TIAM2: variants seen among roughly 807,000 people sequenced by gnomAD.
TIAM2 encodes TIAM Rac1 associated GEF 2, also known as rho guanine nucleotide exchange factor TIAM2.
TIAM2 carries 80 observed loss-of-function variants against 152.9 expected under a neutral mutation model. The ratio of observed to expected loss-of-function variants is 0.52; its 90% CI spans 0.44 to 0.63. TIAM2 has a LOEUF of 0.63. Among genes scored for constraint, TIAM2 ranks in the 30% least tolerant of loss-of-function variants. The pLI, the probability that TIAM2 is intolerant of heterozygous loss-of-function variation, is 0.00. For missense variants in TIAM2, 1,965 were observed against 2,120.1 expected, an observed-to-expected ratio of 0.93 and a Z score of 1.44; for synonymous variants, 804 against 838.0, an observed-to-expected ratio of 0.96 and a Z score of 0.70.
intron 21 of TIAM2, 77 bp from the exon 22 acceptor site, chr6:155,250,836 T>G: frequency 7.1e-7 from 1 of 1,414,148 alleles, no homozygotes; most frequent in Non-Finnish European, 1.0e-6. Context: ...AATGACTGTG[T>G]GTACATCACT....
rs1208218857 is a variant in TIAM2, at chr6:155,164,704, C to A, written c.2214+104C>A. On this transcript the variant is annotated intron_variant, in intron 8 of 26. Coordinates refer to ENST00000682666, the MANE Select transcript of TIAM2 (RefSeq NM_012454.4). ...TCGGCACTTGTGGGGCTTGACCCAACAACTGACACCTAGAGGCCAGGTCAC... is the reference window on the plus strand; with the variant it reads ...TCGGCACTTGTGGGGCTTGACCCAAAAACTGACACCTAGAGGCCAGGTCAC... 1.5e-6 allele frequency: 2 copies of A among 1,375,946 alleles called. 1 individual carries two copies. The highest frequency in any genetic ancestry group is 4.6e-5 in the East Asian group (2 of 43,286). The allele number at this position is 1,375,946 out of a possible 1,614,324, so 85.2% of individuals were successfully genotyped here. A position where few individuals can be genotyped will look rare whatever the true frequency, so the allele number is the denominator to read the frequency against.
chr6:155,225,076 C>T (rs1782195914), intron 15 of TIAM2, among the ~76,000 whole-genome samples: 1 of 152,188 alleles, frequency 6.6e-6, no homozygotes, highest in Admixed American at 6.5e-5. Context: ...CCACCTCAGC[C>T]TCGCATGTAG....
At chr6:155,028,483 C>T (rs1247762855) in intron 1 of TIAM2, among the ~76,000 whole-genome samples, 1 of 120,302 alleles carries the variant, frequency 8.3e-6, no homozygotes, top group East Asian at 2.2e-4. Flanking sequence ...GTTACATATA[C>T]TACATATATA....
intron 20 of TIAM2, among the ~76,000 whole-genome samples, chr6:155,248,866 G>T (rs2115341685): frequency 6.6e-6 from 1 of 152,242 alleles, no homozygotes; most frequent in South Asian, 2.1e-4. Flanking sequence ...AAATTTATGG[G>T]GAGAGAGAGG....
intron 1 of TIAM2, among the ~76,000 whole-genome samples, chr6:155,042,509 A>G (rs1183805290): frequency 1.3e-5 from 2 of 152,148 alleles, no homozygotes; most frequent in African/African-American, 4.8e-5. Context: ...CAGAGAATCA[A>G]TCACTTGAAC....
At chr6:155,005,780 T>G (rs1278837661) in intron 1 of TIAM2, among the ~76,000 whole-genome samples, 1 of 151,830 alleles carries the variant, frequency 6.6e-6, no homozygotes, top group Non-Finnish European at 1.5e-5. Flanking sequence ...CTCAGCCTCC[T>G]GAGGGATTGC....
rs532119383 is a variant in TIAM2 at position 155,120,245 on chromosome 6, A to G, written c.-117-7245A>G. Among the ~76,000 whole-genome samples the G allele has an allele frequency of 2.5e-4, 38 of 152,364 alleles. No homozygotes were observed. In the South Asian group the frequency reaches 7.9e-3, roughly 32 times the overall value. On this transcript the variant is annotated intron_variant, in intron 2 of 26. Coordinates refer to ENST00000682666, the MANE Select transcript of TIAM2 (RefSeq NM_012454.4). ...TTGCCGCAGATGGGTCTATCCATTCATCTGTTAATATGCATTTGGAAGGAG... is the reference window on the plus strand; with the variant it reads ...TTGCCGCAGATGGGTCTATCCATTCGTCTGTTAATATGCATTTGGAAGGAG...
At chr6:155,163,804 AT>A (rs1453365144) in intron 7 of TIAM2, among the ~76,000 whole-genome samples, 2 of 152,368 alleles carry the variant, frequency 1.3e-5, no homozygotes, top group East Asian at 3.9e-4. Context: ...TGACTTGCAA[AT>A]TGCATCCTGT....
At chr6:155,204,193 A>G (rs1257012399) in intron 14 of TIAM2, among the ~76,000 whole-genome samples, 1 of 152,150 alleles carries the variant, frequency 6.6e-6, no homozygotes, top group Non-Finnish European at 1.5e-5. Context: ...AATGCAAATT[A>G]TTTTTTCCCC....
intron 2 of TIAM2, among the ~76,000 whole-genome samples, chr6:155,108,062 C>T (rs1778741979): frequency 6.6e-6 from 1 of 152,202 alleles, no homozygotes; most frequent in African/African-American, 2.4e-5. Context: ...TGAACAGCTG[C>T]TGGAGTTTTT....
intron 1 of TIAM2, among the ~76,000 whole-genome samples, chr6:155,009,205 G>A (rs545719834): frequency 1.4e-5 from 2 of 146,056 alleles, no homozygotes; most frequent in South Asian, 4.4e-4. Flanking sequence ...GGGTTCGGGC[G>A]ATTCTTGCAC....
intron 9 of TIAM2, among the ~76,000 whole-genome samples, chr6:155,167,363 A>C (rs538088221): frequency 1.3e-5 from 2 of 152,220 alleles, no homozygotes; most frequent in African/African-American, 2.4e-5. Flanking sequence ...CTGGGACTAC[A>C]GGCTTGAGCC....
rs117458413 is a variant in TIAM2 at position 155,159,533 on chromosome 6, C to T, written c.2029-4882C>T. On this transcript the variant is annotated intron_variant, in intron 7 of 26. Transcript: ENST00000682666. ...TTGCTTCTCTTCTGGACTTAAGTCT[C>T]AACTGCTGAGAAATGAAGGTATGGT... 6.9e-3 allele frequency among the ~76,000 whole-genome samples: 1,053 copies of T among 152,290 alleles called. 11 individuals are homozygous for T. The highest frequency in any genetic ancestry group is 0.027 in the Middle Eastern group (8 of 294).
intron 23 of TIAM2, 40 bp from the exon 24 acceptor site, chr6:155,252,908 G>A: frequency 1.9e-6 from 3 of 1,564,580 alleles, no homozygotes; most frequent in African/African-American, 1.4e-5. Context: ...CTCAGTGACA[G>A]CTTCCCTAAC....
chr6:155,014,832 T>G (rs1778546360), intron 1 of TIAM2, among the ~76,000 whole-genome samples: 2 of 152,196 alleles, frequency 1.3e-5, no homozygotes, highest in Admixed American at 1.3e-4. Flanking sequence ...TCTGATTCCT[T>G]CTTTGCAAAT....
intron 19 of TIAM2, 23 bp downstream of exon 19, chr6:155,245,754 A>AGTT: frequency 1.8e-6 from 1 of 562,926 alleles, no homozygotes. Context: ...TGCCTTTTAT[A>AGTT]GTTTTTTTTT....
At chr6:155,069,411 G>A (rs1371238909) in intron 1 of TIAM2, among the ~76,000 whole-genome samples, 1 of 151,960 alleles carries the variant, frequency 6.6e-6, no homozygotes, top group Non-Finnish European at 1.5e-5. Context: ...AAACTTTATA[G>A]TAGATTTTCC....
chr6:155,152,828 G>C (rs953640122), intron 7 of TIAM2, among the ~76,000 whole-genome samples: 4 of 152,028 alleles, frequency 2.6e-5, no homozygotes, highest in Non-Finnish European at 5.9e-5. Flanking sequence ...TGGTGGGTGG[G>C]GGTTTCTCTG....
intron 14 of TIAM2, among the ~76,000 whole-genome samples, chr6:155,209,154 C>A (rs1781660402): frequency 6.6e-6 from 1 of 151,944 alleles, no homozygotes; most frequent in African/African-American, 2.4e-5. Flanking sequence ...TCATCTGTGA[C>A]CCTTGGTTGC....
Sources: allele counts gnomAD v4.1 joint callset (sites outside exome capture counted in the v4.1 genomes callset), GRCh38; gene constraint gnomAD v4.1.1; transcripts MANE v1.5; gene names NCBI Gene and HGNC (gene_info 2026-07-23, HGNC 2026-07-21).